The following TNNI3K variants were observed in gnomAD, a reference collection of about 807,000 sequenced individuals.
TNNI3K encodes the protein TNNI3 interacting kinase, also known as serine/threonine-protein kinase TNNI3K.
TNNI3K carries 140 observed loss-of-function variants against 114.5 expected under a neutral mutation model. The observed-to-expected ratio is 1.22, with a 90% CI of 1.07 to 1.41. TNNI3K has a LOEUF of 1.41. Ranked by LOEUF, TNNI3K falls within the 40% of genes most tolerant of loss-of-function variation. TNNI3K has a pLI of 0.00. For missense variants in TNNI3K, 1,125 were observed against 1,007.6 expected (o/e 1.12, Z -1.58); for synonymous variants, 347 against 347.5 (o/e 1.00, Z 0.02).
At chr1:74,543,588 G>T (rs1328504692) in intron 24 of TNNI3K, among the ~76,000 whole-genome samples, 1 of 152,146 alleles carries the variant, frequency 6.6e-6, no homozygotes, top group Non-Finnish European at 1.5e-5. Flanking sequence ...ACCCAGATTT[G>T]CCTGACGTGA....
intron 1 of TNNI3K, 22 bp from the exon 2 acceptor site, chr1:74,236,080 C>A: frequency 6.3e-7 from 1 of 1,588,728 alleles, no homozygotes. Context: ...ATGAATCAAT[C>A]TCATTTGTTC....
chr1:74,343,246 G>T lies in TNNI3K; in HGVS notation c.932+67G>T, dbSNP rs1052926846. 8.0e-6 allele frequency: 12 copies of T among 1,504,878 alleles called. No individual in the cohort carries two copies. In the African/African-American group the frequency reaches 1.1e-4, roughly 14 times the overall value. The allele number at this position is 1,504,878 out of a possible 1,614,324, so 93.2% of individuals were successfully genotyped here. ...ACACTCTAAAGCACCTGAAGTTGTG[G>T]GTATAAAGCAAGAACAAATAGTGGC... On this transcript the variant is annotated intron_variant, in intron 9 of 24. Transcript: ENST00000326637.
intron 21 of TNNI3K, among the ~76,000 whole-genome samples, chr1:74,465,287 C>T (rs1667620754): frequency 1.3e-5 from 2 of 152,294 alleles, no homozygotes; most frequent in South Asian, 2.1e-4. Flanking sequence ...GAGGGAGAGG[C>T]GCAGGAGGTA....
chr1:74,418,264 C>A, intron 17 of TNNI3K: 1 of 419,490 alleles, frequency 2.4e-6, no homozygotes. Context: ...AGAAAGAAGG[C>A]ATCTCAGTTC....
At chr1:74,506,361 C>T (rs530024969) in intron 23 of TNNI3K, among the ~76,000 whole-genome samples, 6 of 152,126 alleles carry the variant, frequency 3.9e-5, no homozygotes, top group Non-Finnish European at 8.8e-5. Context: ...TATAAATGGC[C>T]TGCCCAAGGC....
intron 20 of TNNI3K, among the ~76,000 whole-genome samples, chr1:74,446,510 A>G (rs1441242117): frequency 6.8e-6 from 1 of 147,784 alleles, no homozygotes; most frequent in Non-Finnish European, 1.5e-5. Flanking sequence ...CTCTGATGGT[A>G]GTTTCTTTTG....
In TNNI3K at chr1:74,486,752, G is replaced by T. The variant is rs559941589; in HGVS notation, c.2122-2437G>T. 3.9e-5 allele frequency among the ~76,000 whole-genome samples: 6 copies of T among 151,970 alleles called. No homozygotes were observed. The South Asian group carries it at 1.2e-3, about 32-fold the overall frequency. Reference sequence around the variant, plus strand: ...GGGGCAATAAAAAGCTTAAAGATAAGGAGGAGAGATGAAACCAAAAGAGGA... The same window carrying T: ...GGGGCAATAAAAAGCTTAAAGATAATGAGGAGAGATGAAACCAAAAGAGGA... On this transcript the variant is annotated intron_variant, in intron 21 of 24. Coordinates refer to ENST00000326637, the MANE Select transcript of TNNI3K (RefSeq NM_015978.3).
At chr1:74,463,383 T>C (rs1275298024) in intron 20 of TNNI3K, 58 bp from the exon 21 acceptor site, 5 of 1,580,618 alleles carry the variant, frequency 3.2e-6, no homozygotes, top group Non-Finnish European at 3.5e-6. Flanking sequence ...TGTGTCTTCA[T>C]TTGTTGCTTG....
At chr1:74,440,879 A>G (rs917552769) in intron 20 of TNNI3K, among the ~76,000 whole-genome samples, 6 of 152,106 alleles carry the variant, frequency 3.9e-5, no homozygotes, top group African/African-American at 1.4e-4. Flanking sequence ...AAAATTGATT[A>G]TAATTTTAGA....
chr1:74,468,688 T>C (rs1313680040), intron 21 of TNNI3K: 1 of 152,116 alleles, frequency 6.6e-6, no homozygotes, highest in Non-Finnish European at 1.5e-5. Flanking sequence ...AAAGCTTATT[T>C]ATTATTATTA....
intron 4 of TNNI3K, among the ~76,000 whole-genome samples, chr1:74,268,681 GA>G (rs1656163736): frequency 6.6e-6 from 1 of 151,814 alleles, no homozygotes; most frequent in African/African-American, 2.4e-5. Flanking sequence ...TAGCAAAAAG[GA>G]GTGACAGAAC....
intron 21 of TNNI3K, chr1:74,469,620 A>G (rs2100732924): frequency 3.1e-6 from 1 of 321,368 alleles, no homozygotes. Context: ...AAGACTTGGC[A>G]AAACTTTTCT....
intron 5 of TNNI3K, among the ~76,000 whole-genome samples, chr1:74,323,680 G>T (rs746122529): frequency 2.6e-5 from 4 of 152,040 alleles, no homozygotes; most frequent in Non-Finnish European, 4.4e-5. Context: ...CTAGTAGCAG[G>T]AGTAGAAGTA....
At chr1:74,365,902 A>G (rs1426787449) in intron 11 of TNNI3K, among the ~76,000 whole-genome samples, 1 of 152,090 alleles carries the variant, frequency 6.6e-6, no homozygotes, top group East Asian at 1.9e-4. Flanking sequence ...GTTTTTAACT[A>G]TGTAGATTTA....
At chr1:74,521,067 TC>T (rs1347911505) in intron 23 of TNNI3K, among the ~76,000 whole-genome samples, 2 of 152,134 alleles carry the variant, frequency 1.3e-5, no homozygotes, top group African/African-American at 4.8e-5. Flanking sequence ...TACAGCTATT[TC>T]TCCTTTGGGC....
At chr1:74,251,307 G>T (rs1444998223) in intron 4 of TNNI3K, among the ~76,000 whole-genome samples, 4 of 152,028 alleles carry the variant, frequency 2.6e-5, no homozygotes, top group Non-Finnish European at 5.9e-5. Flanking sequence ...TGGACAAACT[G>T]GGATACTTAG....
At chr1:74,439,703 A>G (rs1166222647) in intron 20 of TNNI3K, 81 bp downstream of exon 20, 7 of 1,576,342 alleles carry the variant, frequency 4.4e-6, no homozygotes, top group Middle Eastern at 1.7e-4. Context: ...TTTTTTTCAC[A>G]AAATGATTAG....
intron 21 of TNNI3K, chr1:74,469,342 G>A (rs1667806424): frequency 6.6e-6 from 1 of 152,512 alleles, no homozygotes; most frequent in African/African-American, 2.4e-5. Flanking sequence ...AATTGCAAAT[G>A]TATGAAACAT....
At chr1:74,412,163 T>C (rs1664910411) in intron 17 of TNNI3K, among the ~76,000 whole-genome samples, 1 of 152,112 alleles carries the variant, frequency 6.6e-6, no homozygotes, top group African/African-American at 2.4e-5. Context: ...TGGGCTCTGA[T>C]TTGTCTTCCT....
Sources: gnomAD v4.1 joint callset for allele counts (sites outside exome capture counted in the v4.1 genomes callset) on GRCh38, gnomAD v4.1.1 for gene constraint, MANE v1.5 for transcripts, NCBI Gene and HGNC (gene_info 2026-07-23, HGNC 2026-07-21) for gene names.